PRKX: variants seen among roughly 807,000 people sequenced by gnomAD.
PRKX encodes protein kinase cAMP-dependent X-linked catalytic subunit.
A neutral mutation model predicts 22.0 loss-of-function variants in PRKX; 12 were observed. That is an observed-to-expected ratio of 0.54 (90% confidence interval 0.35 to 0.88). The LOEUF is 0.88. Ranked by LOEUF, PRKX falls within the 40% of genes least tolerant of loss-of-function variation. The pLI is 0.01. For missense variants in PRKX, 217 were observed against 308.0 expected (o/e 0.70, Z 2.21); for synonymous variants, 134 against 137.7 (o/e 0.97, Z 0.19).
At chrX:3,612,155 A>G in intron 8 of PRKX, 22 bp downstream of exon 8, 1 of 1,170,719 alleles carries the variant, frequency 8.5e-7, no homozygotes, top group Non-Finnish European at 1.1e-6. Context: ...TTTTTTGGGA[A>G]TTACTAAATA....
chrX:3,675,656 T>C lies in PRKX; in HGVS notation c.167-890A>G, dbSNP rs192849931. Among the ~76,000 whole-genome samples the C allele has an allele frequency of 3.0e-5, 3 of 98,587 alleles. No homozygotes were observed. The East Asian group carries it at 9.4e-4, about 31-fold the overall frequency. 85.6% of individuals were successfully genotyped at this position (98,587 alleles called of 115,157 possible). ...AGATATAAAAGAAAATCAAAATCTC[T>C]AAACAAGCTTTGCTTGTTCCTCCTC... On this transcript the variant is annotated intron_variant, in intron 1 of 8. Coordinates refer to ENST00000262848, the MANE Select transcript of PRKX (RefSeq NM_005044.5).
intron 2 of PRKX, among the ~76,000 whole-genome samples, chrX:3,659,074 T>G (rs1339563354): frequency 1.8e-5 from 2 of 110,733 alleles, no homozygotes; most frequent in Non-Finnish European, 3.8e-5. Context: ...GAAAGCAGCA[T>G]GAGCAGCACA....
intron 6 of PRKX, among the ~76,000 whole-genome samples, chrX:3,620,672 G>A (rs774063048): frequency 2.0e-3 from 224 of 112,324 alleles, no homozygotes; most frequent in African/African-American, 6.5e-3. Flanking sequence ...TAGGTTGTGC[G>A]GTCTGTGGAA....
intron 7 of PRKX, 36 bp downstream of exon 7, chrX:3,615,779 C>G (rs377672184): frequency 4.9e-5 from 55 of 1,132,667 alleles, no homozygotes; most frequent in Non-Finnish European, 6.2e-5. Context: ...TGGAAGAGCT[C>G]GGGCATACTG....
At chrX:3,701,697 G>C (rs1037081136) in intron 1 of PRKX, among the ~76,000 whole-genome samples, 1 of 111,545 alleles carries the variant, frequency 9.0e-6, no homozygotes, top group Non-Finnish European at 1.9e-5. Flanking sequence ...GGATGAGATA[G>C]GAGGTCAGCA....
chrX:3,620,073 GGA>G (rs1203469077), intron 6 of PRKX, among the ~76,000 whole-genome samples: 1 of 111,656 alleles, frequency 9.0e-6, no homozygotes, highest in Non-Finnish European at 1.9e-5. Flanking sequence ...AAAAGTTTGT[GGA>G]AATCATACCT....
At chrX:3,636,952 A>G (rs1926899799) in intron 4 of PRKX, among the ~76,000 whole-genome samples, 1 of 106,586 alleles carries the variant, frequency 9.4e-6, no homozygotes, top group African/African-American at 3.4e-5. Context: ...AGGAAAGGAA[A>G]TGAAAGGAAA....
intron 3 of PRKX, among the ~76,000 whole-genome samples, chrX:3,648,606 C>CTGTGTG (rs58698248): frequency 0.065 from 4,713 of 71,969 alleles, 227 homozygotes; most frequent in East Asian, 0.076. Flanking sequence ...CTCTCTACTC[C>CTGTGTG]TGTGTGTGTG....
chrX:3,676,546 C>G (rs1232199987), intron 1 of PRKX, among the ~76,000 whole-genome samples: 1 of 112,156 alleles, frequency 8.9e-6, no homozygotes, highest in Non-Finnish European at 1.9e-5. Flanking sequence ...CGATGGAATA[C>G]CATTCAGCCC....
At chrX:3,686,885 G>T (rs915024903) in intron 1 of PRKX, among the ~76,000 whole-genome samples, 1 of 111,797 alleles carries the variant, frequency 8.9e-6, no homozygotes, top group African/African-American at 3.2e-5. Context: ...GGTAAAATAC[G>T]CACAACATAA....
At chrX:3,618,826 G>A (rs12007713) in intron 6 of PRKX, among the ~76,000 whole-genome samples, 92 of 111,004 alleles carry the variant, frequency 8.3e-4, no homozygotes, top group African/African-American at 2.7e-3. Flanking sequence ...GATATGGGTC[G>A]TCTGTGATTC....
At chrX:3,653,431 C>T (rs1443658187) in intron 3 of PRKX, among the ~76,000 whole-genome samples, 3 of 109,042 alleles carry the variant, frequency 2.8e-5, no homozygotes, top group African/African-American at 6.7e-5. Context: ...TAGTGCAGCC[C>T]GCACTGGCTG....
chrX:3,616,985 TAC>T lies in PRKX; in HGVS notation c.874-1095_874-1094del, dbSNP rs921775641. 1.4e-4 allele frequency among the ~76,000 whole-genome samples: 15 copies of T among 111,042 alleles called. 1 individual carries two copies. Among genetic ancestry groups the T allele is most frequent in the African/African-American group, 4.3e-4 (13 of 30,569 alleles). ...ACTCACATGCATACATAGTAATATA[TAC>T]ACACACACATACATATATACACACA... On this transcript the variant is annotated intron_variant, in intron 6 of 8. Transcript: ENST00000262848.
chrX:3,641,624 G>A (rs1927080567), intron 4 of PRKX: 1 of 166,500 alleles, frequency 6.0e-6, no homozygotes, highest in East Asian at 1.7e-4. Context: ...GGGCATGCAT[G>A]GGTGGTTCCT....
chrX:3,701,618 G>C (rs7882153), intron 1 of PRKX, among the ~76,000 whole-genome samples: 54,193 of 111,199 alleles, frequency 0.49, 9,495 homozygotes, highest in Admixed American at 0.62. Context: ...TCTTGAAGAG[G>C]AGCTGGGTAA....
chrX:3,670,839 C>T (rs970325514), intron 2 of PRKX, among the ~76,000 whole-genome samples: 5 of 110,972 alleles, frequency 4.5e-5, no homozygotes, highest in Non-Finnish European at 7.6e-5. Context: ...GTCAACATGC[C>T]CAAGTGGCAA....
intron 1 of PRKX, among the ~76,000 whole-genome samples, chrX:3,704,543 T>C (rs903102965): frequency 7.2e-5 from 8 of 111,321 alleles, no homozygotes; most frequent in Admixed American, 5.7e-4. Context: ...GATGCACACC[T>C]GCAGTCCCAG....
chrX:3,620,895 T>C (rs1424117448), intron 6 of PRKX, among the ~76,000 whole-genome samples: 7 of 111,555 alleles, frequency 6.3e-5, no homozygotes, highest in African/African-American at 2.0e-4. Context: ...TTTAGATGGG[T>C]AAATGGCATG....
intron 1 of PRKX, among the ~76,000 whole-genome samples, chrX:3,711,675 C>T (rs1051327982): frequency 1.8e-5 from 2 of 111,226 alleles, no homozygotes; most frequent in Non-Finnish European, 3.8e-5. Context: ...CCTTCTTCCG[C>T]GCAAAACACA....
Sources: gnomAD v4.1 joint callset for allele counts (sites outside exome capture counted in the v4.1 genomes callset) on GRCh38, gnomAD v4.1.1 for gene constraint, MANE v1.5 for transcripts, NCBI Gene and HGNC (gene_info 2026-07-23, HGNC 2026-07-21) for gene names.